ISYNA1: variants seen among roughly 807,000 people sequenced by gnomAD.
ISYNA1 encodes inositol-3-phosphate synthase 1.
A neutral mutation model predicts 50.3 loss-of-function variants in ISYNA1; 34 were observed. The ratio of observed to expected loss-of-function variants is 0.68; its 90% confidence interval spans 0.51 to 0.90. The LOEUF (loss-of-function observed/expected upper bound fraction) is 0.90, where lower values mean the gene tolerates loss of function less well. ISYNA1 is among the 40% of genes least tolerant of loss of function. The pLI, the probability that ISYNA1 is intolerant of heterozygous loss-of-function variation, is 0.00. For synonymous variants in ISYNA1, 396 were observed against 349.9 expected (o/e 1.13, Z -1.47); for missense variants, 718 against 784.8 (o/e 0.91, Z 1.02).
In ISYNA1 at chr19:18,435,688, CAGG is replaced by C; in HGVS notation, c.1141-15_1141-13del. The C allele has an allele frequency of 6.2e-7, 1 of 1,611,576 alleles. No homozygotes were observed. Among genetic ancestry groups the C allele is most frequent in the Non-Finnish European group, 8.5e-7 (1 of 1,179,244 alleles). Reference sequence around the variant, plus strand: ...TACTTGATGACCACCTGGAGTGCAGCAGGAGTTTGCCCGGGTCCCTGCCACCCC... The same window carrying C: ...TACTTGATGACCACCTGGAGTGCAGCAGTTTGCCCGGGTCCCTGCCACCCC... On this transcript the variant is annotated splice_polypyrimidine_tract_variant and intron_variant, in intron 8 of 10. Transcript: ENST00000338128.
rs1973901003 is a variant in ISYNA1, at chr19:18,435,013, G to C, written c.1577C>G (p.Pro526Arg). The C allele has an allele frequency of 6.2e-7, 1 of 1,613,430 alleles. No homozygotes were observed. Among genetic ancestry groups the C allele is most frequent in the South Asian group, 1.1e-5 (1 of 91,080 alleles). ...TACCGGTCCTTTCTTGTTCAACATA[G>C]GGTAGGTGGCAGCCACGGGTCCAAC... ...KRVGPVAATY[P>R]MLNKKGPVPA... Residue 526 changes from proline (P) to arginine (R), a missense_variant, in exon 11 of 11, where the codon CCT becomes CGT. Around this residue, in one of 3 missense-constraint regions of ISYNA1, gnomAD observed 305 missense variants for 292.6 expected, o/e 1.04. Transcript: ENST00000338128.
chr19:18,437,993 G>T lies in ISYNA1; in HGVS notation c.-9-5C>A. 6.4e-7 allele frequency: 1 copy of T among 1,556,526 alleles called. No homozygotes were observed. The stretch of plus-strand genomic sequence containing the variant: ...GGCGGCCTCCATCGCGGCGGGCTGG[G>T]GGCCCGGGGTGAGCAGGGGGTCAGC... On this transcript the variant is annotated splice_polypyrimidine_tract_variant and splice_region_variant and intron_variant, in intron 1 of 10. Coordinates refer to ENST00000338128, the MANE Select transcript of ISYNA1 (RefSeq NM_016368.5).
In ISYNA1 at chr19:18,436,908, G is replaced by A. The variant is rs777942533; in HGVS notation, c.416-31C>T. Reference sequence around the variant, plus strand: ...GGGACCCTCACACTCGGCCCTGCCCGGATCCTGGGCCCCTCCAGACCCCAT... The same window carrying A: ...GGGACCCTCACACTCGGCCCTGCCCAGATCCTGGGCCCCTCCAGACCCCAT... On this transcript the variant is annotated intron_variant, in intron 4 of 10. Transcript: ENST00000338128. The A allele has an allele frequency of 3.1e-6, 5 of 1,596,912 alleles. No homozygotes were observed. The African/African-American group carries it at 6.7e-5, about 21-fold the overall frequency.
At chr19:18,437,534 T>G in intron 3 of ISYNA1, 65 bp downstream of exon 3, 3 of 672,456 alleles carry the variant, frequency 4.5e-6, no homozygotes, top group Non-Finnish European at 5.6e-6. Flanking sequence ...CCCTGCAGGC[T>G]CCCGCCCCCG....
intron 3 of ISYNA1, 102 bp downstream of exon 3, chr19:18,437,497 G>GC: frequency 1.4e-5 from 2 of 146,026 alleles, no homozygotes; most frequent in Non-Finnish European, 2.0e-5. Context: ...ACCCCCTACA[G>GC]CCCCCCTGGT....
chr19:18,435,481 G>A lies in ISYNA1; in HGVS notation c.1257C>T (p.Asp419=). ...GCATGATGGGTGCGGCCAGCAGCGA[G>A]TCCTGCGGGGCGGGTGGGTCAGGAG... The part of the protein sequence containing the change: ...NTLVLHNTCE[D]SLLAAPIMLD... Residue 419 remains aspartate (D), a splice_region_variant and synonymous_variant, in exon 10 of 11, where the codon GAC becomes GAT. Transcript: ENST00000338128. 4 of 1,608,678 alleles carry A rather than the reference G, an allele frequency of 2.5e-6. No individual in the cohort carries two copies. Among genetic ancestry groups the A allele is most frequent in the Non-Finnish European group, 3.4e-6 (4 of 1,179,604 alleles).
At position 18,436,878 on chromosome 19, in the gene ISYNA1, C is replaced by A; in HGVS notation, c.416-1G>T. On this transcript the variant is annotated splice_acceptor_variant, in intron 4 of 10. Coordinates refer to ENST00000338128, the MANE Select transcript of ISYNA1 (RefSeq NM_016368.5). LOFTEE classifies it high-confidence loss of function. ...AGGTTCAGCGACGAGATGTCCCAGC[C>A]TGGGGGGACCCTCACACTCGGCCCT... is the stretch of plus-strand genomic sequence containing the variant. 1 of 1,598,138 alleles carries A rather than the reference C, an allele frequency of 6.3e-7. No homozygotes were observed. Among genetic ancestry groups the A allele is most frequent in the East Asian group, 2.2e-5 (1 of 44,704 alleles).
In ISYNA1 at chr19:18,436,027, C is replaced by T. The variant is rs764220689; in HGVS notation, c.975+5G>A. 4 of 1,613,370 alleles carry T rather than the reference C, an allele frequency of 2.5e-6. No individual in the cohort carries two copies. The highest frequency in any genetic ancestry group is 2.2e-5 in the South Asian group (2 of 91,086). On this transcript the variant is annotated splice_donor_5th_base_variant and intron_variant, in intron 7 of 10. Transcript: ENST00000338128. The stretch of plus-strand genomic sequence containing the variant: ...TGCACTCGGCAGCTCCCTAGGCCCA[C>T]GCACCTTGAGGCCGGAGCCAATGAG...
chr19:18,435,401 A>T lies in ISYNA1; in HGVS notation c.1337T>A (p.Met446Lys), dbSNP rs1298673163. 1 of 1,611,388 alleles carries T rather than the reference A, an allele frequency of 6.2e-7. No individual in the cohort carries two copies. Among genetic ancestry groups the T allele is most frequent in the Admixed American group, 1.7e-5 (1 of 60,020 alleles). ...GTGGAAGGTCTGCGGCTCGGGGTCCATGTCAGTGCAGAAGCTCACGCGCTG... is the reference window on the plus strand; with the variant it reads ...GTGGAAGGTCTGCGGCTCGGGGTCCTTGTCAGTGCAGAAGCTCACGCGCTG... ...LCQRVSFCTD[M>K]DPEPQTFHPV... Residue 446 changes from methionine (M) to lysine (K), a missense_variant, in exon 10 of 11, where the codon ATG (methionine) becomes AAG (lysine). Around this residue, in one of 3 missense-constraint regions of ISYNA1, gnomAD observed 305 missense variants for 292.6 expected, o/e 1.04. Coordinates refer to ENST00000338128, the MANE Select transcript of ISYNA1 (RefSeq NM_016368.5).
At position 18,435,814 on chromosome 19, in the gene ISYNA1, G is replaced by A. The variant is rs1482636550; in HGVS notation, c.1083C>T (p.Asp361=). ...SKEVSKSNVV[D]DMVQSNPVLY... is the part of the protein sequence containing the mutation. ...GCACTGGGTTGCTCTGCACCATGTC[G>A]TCCACCACGTTGCTCTTGGACACCT... Residue 361 remains aspartate, a synonymous_variant, in exon 8 of 11, where the codon GAC becomes GAT. Coordinates refer to ENST00000338128, the MANE Select transcript of ISYNA1 (RefSeq NM_016368.5). The A allele has an allele frequency of 1.2e-6, 2 of 1,613,856 alleles. No individual in the cohort carries two copies. Among genetic ancestry groups the A allele is most frequent in the Non-Finnish European group, 8.5e-7 (1 of 1,179,942 alleles).
rs753242535 is a variant in ISYNA1, at chr19:18,437,917, G to T, written c.63C>A (p.Ile21=). 1 of 1,611,410 alleles carries T rather than the reference G, an allele frequency of 6.2e-7. No individual in the cohort carries two copies. Among genetic ancestry groups the T allele is most frequent in the South Asian group, 1.1e-5 (1 of 90,918 alleles). Residue 21 remains isoleucine (I), a synonymous_variant, in exon 2 of 11, where the codon ATC becomes ATA. Coordinates refer to ENST00000338128, the MANE Select transcript of ISYNA1 (RefSeq NM_016368.5). Reference sequence around the variant, plus strand: ...TCGTCCGGTACTCGTATTGCGCCTCGATGGCCTCGGGGCCGTAGACCACGT... The same window carrying T: ...TCGTCCGGTACTCGTATTGCGCCTCTATGGCCTCGGGGCCGTAGACCACGT... The part of the protein sequence containing the change: ...SPDVVYGPEA[I]EAQYEYRTTR...
In ISYNA1 at chr19:18,434,715, C is replaced by A; in HGVS notation, c.*198G>T. The A allele has an allele frequency of 1.7e-6, 1 of 600,664 alleles. No individual in the cohort carries two copies. Among genetic ancestry groups the A allele is most frequent in the Non-Finnish European group, 2.9e-6 (1 of 339,160 alleles). 37.2% of individuals were successfully genotyped at this position (600,664 alleles called of 1,614,324 possible). On this transcript the variant is annotated 3_prime_UTR_variant, in exon 11 of 11. Coordinates refer to ENST00000338128, the MANE Select transcript of ISYNA1 (RefSeq NM_016368.5). ...CTCTCCCTGGGAGTTGGGGTGATGACCATGGGCAGAGGGGATGGGACTGAA... is the reference window on the plus strand; with the variant it reads ...CTCTCCCTGGGAGTTGGGGTGATGAACATGGGCAGAGGGGATGGGACTGAA...
intron 8 of ISYNA1, 26 bp downstream of exon 8, chr19:18,435,731 C>G (rs1452980142): frequency 6.2e-7 from 1 of 1,607,402 alleles, no homozygotes; most frequent in Admixed American, 1.7e-5. Flanking sequence ...CGGGCAACCC[C>G]GCGCCCGCGC....
chr19:18,436,653 A>C lies in ISYNA1; in HGVS notation c.609+31T>G, dbSNP rs752408483. 2.5e-6 allele frequency: 4 copies of C among 1,583,050 alleles called. No individual in the cohort carries two copies. In the South Asian group the frequency reaches 4.5e-5, roughly 18 times the overall value. On this transcript the variant is annotated intron_variant, in intron 5 of 10. Transcript: ENST00000338128. ...AACCAAGTGGCGAAGAACAGGTGGC[A>C]GGAAGCAAGGGATGCGGGATGGGAC...
Position 18,434,868 on chromosome 19 carries a change from G to A in ISYNA1, c.*45C>T, listed in dbSNP as rs367687629. ...TGGGGGCCTTCAAGGTAGGGTCGTG[G>A]GGGGCAGCGGGGAGGAAGAGCCGAG... On this transcript the variant is annotated 3_prime_UTR_variant, in exon 11 of 11. Transcript: ENST00000338128. 5.2e-5 allele frequency: 80 copies of A among 1,535,132 alleles called. No homozygotes were observed. In the African/African-American group the frequency reaches 1.0e-3, roughly 20 times the overall value.
intron 3 of ISYNA1, 104 bp from the exon 4 acceptor site, chr19:18,437,209 C>G: frequency 6.9e-7 from 1 of 1,458,564 alleles, no homozygotes. Context: ...CACTTTCGGG[C>G]ATTTTTCAGT....
chr19:18,437,854 G>A lies in ISYNA1; in HGVS notation c.120+6C>T, dbSNP rs1974128221. The A allele has an allele frequency of 6.2e-7, 1 of 1,611,408 alleles. No homozygotes were observed. The highest frequency in any genetic ancestry group is 8.5e-7 in the Non-Finnish European group (1 of 1,179,778). The stretch of plus-strand genomic sequence containing the variant: ...GCACGCCTCCTTCCTCAGCCCCCTG[G>A]TCCACCTTGAGAACGCCACCCTCGC... On this transcript the variant is annotated splice_donor_region_variant and intron_variant, in intron 2 of 10. Transcript: ENST00000338128.
rs1013531326 is a variant in ISYNA1 at position 18,437,271 on chromosome 19, G to A, written c.283-166C>T. ...CGCTGCCCCCAGGCCCCTCCCCTGA[G>A]ACCTCCGGCACCTTAAGCTCCGCCC... On this transcript the variant is annotated intron_variant, in intron 3 of 10. Coordinates refer to ENST00000338128, the MANE Select transcript of ISYNA1 (RefSeq NM_016368.5). 35 of 1,426,932 alleles carry A rather than the reference G, an allele frequency of 2.5e-5. No homozygotes were observed. In the East Asian group the frequency reaches 8.5e-4, roughly 34 times the overall value. The allele number at this position is 1,426,932 out of a possible 1,614,324, so 88.4% of individuals were successfully genotyped here.
rs145333990 is a variant in ISYNA1, at chr19:18,436,134, G to A, written c.873C>T (p.Leu291=). 7.6e-3 allele frequency: 12,304 copies of A among 1,612,712 alleles called. 75 individuals carry two copies. Among genetic ancestry groups the A allele is most frequent in the South Asian group, 0.013 (1,175 of 91,060 alleles). ...CCACAAAAACCCGGTGCTGCCACGC[G>A]AGCTCAAGAGCTCCGGGCACCAGGG... is the stretch of plus-strand genomic sequence containing the variant. ...QNTLVPGALE[L]AWQHRVFVGG... Residue 291 remains leucine, a synonymous_variant, in exon 7 of 11, where the codon CTC becomes CTT. Transcript: ENST00000338128.
Sources: allele counts gnomAD v4.1 joint callset, GRCh38; gene constraint gnomAD v4.1.1; regional missense constraint gnomAD v4.1.1; transcripts MANE v1.5; gene names NCBI Gene and HGNC (gene_info 2026-07-23, HGNC 2026-07-21).